The following HECTD2 variants were observed in gnomAD, a reference collection of about 807,000 sequenced individuals.
The protein encoded by HECTD2 is HECT domain E3 ubiquitin protein ligase 2.
A neutral mutation model predicts 103.2 loss-of-function variants in HECTD2; 35 were observed. The observed-to-expected ratio is 0.34, with a 90% CI of 0.26 to 0.45. The LOEUF (loss-of-function observed/expected upper bound fraction) is 0.45. Ranked by LOEUF, HECTD2 falls within the 20% of genes least tolerant of loss-of-function variation. HECTD2 has a pLI of 1.00. For missense variants in HECTD2, 596 were observed against 937.4 expected (o/e 0.64, Z 4.76); for synonymous variants, 281 against 329.9 (o/e 0.85, Z 1.61).
At chr10:91,419,169 T>C (rs544444658) in intron 1 of HECTD2, among the ~76,000 whole-genome samples, 2 of 152,280 alleles carry the variant, frequency 1.3e-5, no homozygotes, top group East Asian at 3.9e-4. Context: ...GTATAGAGGA[T>C]GATCAAAGTA....
intron 5 of HECTD2, among the ~76,000 whole-genome samples, chr10:91,470,984 A>G (rs1009309276): frequency 1.1e-4 from 16 of 145,912 alleles, no homozygotes; most frequent in African/African-American, 4.5e-4. Context: ...ACACACACAC[A>G]CACACGCACA....
At chr10:91,430,026 A>G (rs969068790) in intron 2 of HECTD2, among the ~76,000 whole-genome samples, 2 of 152,074 alleles carry the variant, frequency 1.3e-5, no homozygotes, top group Non-Finnish European at 2.9e-5. Flanking sequence ...AGTGCTATAA[A>G]TTTCCCTCTA....
chr10:91,441,886 CTTTT>C (rs765691512), intron 2 of HECTD2, among the ~76,000 whole-genome samples: 35 of 81,954 alleles, frequency 4.3e-4, no homozygotes, highest in East Asian at 2.8e-3. Context: ...GCAACCCTTG[CTTTT>C]TTTTTTTTTT....
chr10:91,421,342 C>G (rs1843351264), intron 1 of HECTD2, among the ~76,000 whole-genome samples: 1 of 151,956 alleles, frequency 6.6e-6, no homozygotes, highest in Admixed American at 6.6e-5. Context: ...TTCTTAATCT[C>G]CTTTGCCAGC....
At chr10:91,450,152 G>C (rs1390453549) in intron 2 of HECTD2, among the ~76,000 whole-genome samples, 1 of 152,222 alleles carries the variant, frequency 6.6e-6, no homozygotes, top group South Asian at 2.1e-4. Context: ...AACCAGAATA[G>C]CACAGTACTG....
chr10:91,468,935 C>A (rs1415065157), intron 5 of HECTD2, among the ~76,000 whole-genome samples: 3 of 83,340 alleles, frequency 3.6e-5, no homozygotes, highest in African/African-American at 2.4e-4. Flanking sequence ...GACACTGTCT[C>A]ACTCAAAAAA....
intron 8 of HECTD2, chr10:91,484,267 G>T: frequency 2.1e-6 from 2 of 931,606 alleles, no homozygotes; most frequent in South Asian, 3.4e-5. Context: ...ACTGAATATT[G>T]AAAGTCTTTA....
At chr10:91,507,878 A>G (rs1404874267) in intron 20 of HECTD2, among the ~76,000 whole-genome samples, 1 of 130,738 alleles carries the variant, frequency 7.6e-6, no homozygotes, top group Non-Finnish European at 1.5e-5. Context: ...ACTATACTAC[A>G]AGGCTACAGT....
chr10:91,472,500 A>G (rs752022438), intron 5 of HECTD2, among the ~76,000 whole-genome samples: 1 of 152,236 alleles, frequency 6.6e-6, no homozygotes, highest in Non-Finnish European at 1.5e-5. Context: ...AAAAGAAACT[A>G]TCAACACAGT....
intron 2 of HECTD2, among the ~76,000 whole-genome samples, chr10:91,439,131 T>C (rs747063198): frequency 6.6e-6 from 1 of 152,226 alleles, no homozygotes; most frequent in Non-Finnish European, 1.5e-5. Flanking sequence ...TTTTGATGTT[T>C]TAGTCATCAA....
At chr10:91,430,173 A>G (rs1254449330) in intron 2 of HECTD2, among the ~76,000 whole-genome samples, 3 of 152,130 alleles carry the variant, frequency 2.0e-5, no homozygotes, top group Admixed American at 1.3e-4. Flanking sequence ...TTCAGTTTCC[A>G]TGTAGTTGAG....
At chr10:91,496,161 A>C (rs1846655503) in intron 14 of HECTD2, 53 bp from the exon 15 acceptor site, 3 of 1,290,890 alleles carry the variant, frequency 2.3e-6, no homozygotes, top group Non-Finnish European at 3.2e-6. Context: ...ATAATTCAGA[A>C]CTCATTTGTT....
chr10:91,464,390 C>G (rs1359496461), intron 5 of HECTD2, among the ~76,000 whole-genome samples: 1 of 152,054 alleles, frequency 6.6e-6, no homozygotes, highest in African/African-American at 2.4e-5. Context: ...ATGGACCCAC[C>G]CTGATACTTG....
chr10:91,414,856 A>G (rs1038160819), intron 1 of HECTD2, among the ~76,000 whole-genome samples: 4 of 152,260 alleles, frequency 2.6e-5, no homozygotes, highest in Non-Finnish European at 5.9e-5. Flanking sequence ...GGCTGGAGCC[A>G]GATCACTAGG....
At chr10:91,508,925 C>G (rs1310349273) in intron 20 of HECTD2, among the ~76,000 whole-genome samples, 1 of 151,654 alleles carries the variant, frequency 6.6e-6, no homozygotes, top group Non-Finnish European at 1.5e-5. Context: ...ACATATACAC[C>G]ATGGAATACT....
chr10:91,511,165 C>T (rs1291720409), intron 20 of HECTD2, among the ~76,000 whole-genome samples: 4 of 152,096 alleles, frequency 2.6e-5, no homozygotes, highest in African/African-American at 9.7e-5. Context: ...GTAGTGTATT[C>T]ACATTTTTAT....
Position 91,410,514 on chromosome 10 carries a change from G to A in HECTD2, c.76G>A (p.Gly26Arg), listed in dbSNP as rs1172868219. ...GGCGCCCGCGCCTGAGGAGAGGAAA[G>A]GGAAGGAGTCAGAGCGCGAGAAGCT... ...VAAPAPEERK[G>R]KESEREKLPP... The change falls in exon 1 of 21, where the codon GGG becomes AGG. Residue 26 changes from glycine (G) to arginine (R), a missense_variant. By Grantham distance (125) the Gly-to-Arg change is moderately radical. Transcript: ENST00000298068. The A allele has an allele frequency of 3.4e-6, 5 of 1,482,098 alleles. No individual in the cohort carries two copies. Among genetic ancestry groups the A allele is most frequent in the Non-Finnish European group, 4.5e-6 (5 of 1,121,434 alleles). 91.8% of individuals were successfully genotyped at this position (1,482,098 alleles called of 1,614,324 possible). A position where few individuals can be genotyped will look rare whatever the true frequency, so the allele number is the denominator to read the frequency against.
At chr10:91,482,626 G>A (rs1409374567) in intron 7 of HECTD2, among the ~76,000 whole-genome samples, 4 of 151,680 alleles carry the variant, frequency 2.6e-5, no homozygotes, top group East Asian at 1.9e-4. Flanking sequence ...TTTCTTTTTC[G>A]ATACTCAAAA....
intron 2 of HECTD2, among the ~76,000 whole-genome samples, chr10:91,450,323 T>G (rs1239561568): frequency 6.6e-6 from 1 of 152,202 alleles, no homozygotes; most frequent in Non-Finnish European, 1.5e-5. Context: ...GCTAGTCATA[T>G]GCAGAAAACT....
Sources: allele counts gnomAD v4.1 joint callset (sites outside exome capture counted in the v4.1 genomes callset), GRCh38; gene constraint gnomAD v4.1.1; transcripts MANE v1.5; gene names NCBI Gene and HGNC (gene_info 2026-07-23, HGNC 2026-07-21).